The following CCM2 variants were observed in gnomAD, a reference collection of about 807,000 sequenced individuals.
The protein encoded by CCM2 is cerebral cavernous malformations 2 protein.
Under a neutral mutation model 44.9 loss-of-function variants are expected in CCM2, and 25 were observed. The observed-to-expected ratio is 0.56, with a 90% confidence interval of 0.41 to 0.78. The LOEUF is 0.78. Ranked by LOEUF, CCM2 falls within the 30% of genes least tolerant of loss-of-function variation. The pLI is 0.00. For missense variants in CCM2, 481 were observed against 580.6 expected (o/e 0.83, Z 1.76); for synonymous variants, 219 against 241.1 (o/e 0.91, Z 0.85).
chr7:45,045,903 AAC>A (rs372281379), intron 2 of CCM2, among the ~76,000 whole-genome samples: 145 of 152,372 alleles, frequency 9.5e-4, no homozygotes, highest in African/African-American at 3.0e-3. Flanking sequence ...TAAAAAATGA[AAC>A]ACGGGTATAA....
At chr7:45,031,026 G>A (rs909107284) in intron 1 of CCM2, among the ~76,000 whole-genome samples, 2 of 151,876 alleles carry the variant, frequency 1.3e-5, no homozygotes, top group Non-Finnish European at 2.9e-5. Context: ...ACCTGGCCTC[G>A]ATTTATTTTT....
rs542117003 is a variant in CCM2, at chr7:45,073,713, G to T, written c.915+142G>T. The T allele has an allele frequency of 3.3e-4, 210 of 628,414 alleles. 1 individual carries two copies. Among genetic ancestry groups the T allele is most frequent in the African/African-American group, 3.2e-3 (175 of 55,140 alleles). 38.9% of individuals were successfully genotyped at this position (628,414 alleles called of 1,614,324 possible). On this transcript the variant is annotated intron_variant, in intron 8 of 9. Transcript: ENST00000258781. The stretch of plus-strand genomic sequence containing the variant: ...ACCTAGAGCACTCTTGGTCAATTTT[G>T]CTGACATCACTGCCTTTTCCTGGGG...
chr7:45,013,622 C>T (rs1195899943), intron 1 of CCM2, among the ~76,000 whole-genome samples: 1 of 152,122 alleles, frequency 6.6e-6, no homozygotes, highest in Non-Finnish European at 1.5e-5. Flanking sequence ...ATTCATGACC[C>T]CACCCAGACT....
At chr7:45,034,726 G>A (rs1329144251) in intron 1 of CCM2, among the ~76,000 whole-genome samples, 1 of 151,654 alleles carries the variant, frequency 6.6e-6, no homozygotes, top group Admixed American at 6.6e-5. Context: ...CACCATCTTG[G>A]CCAGGCTGGT....
chr7:45,027,943 G>A, intron 1 of CCM2: 1 of 863,604 alleles, frequency 1.2e-6, no homozygotes, highest in Non-Finnish European at 1.9e-6. Flanking sequence ...TGGGAGGATG[G>A]GGTGGGTGGA....
At position 45,075,956 on chromosome 7, in the gene CCM2, C is replaced by T. The variant is rs544276945; in HGVS notation, c.1234C>T (p.Arg412Trp). ...GNRATGSSDD[R>W]SAPSEGDEWD... ...CAGGGCCACGGGCAGCTCTGATGAC[C>T]GGTCGGCACCCTCAGAGGGGGATGA... Residue 412 changes from arginine to tryptophan, a missense_variant, in exon 10 of 10, where the codon CGG becomes TGG. Transcript: ENST00000258781. 4.4e-5 allele frequency: 71 copies of T among 1,613,136 alleles called. No individual in the cohort carries two copies. Among genetic ancestry groups the T allele is most frequent in the Non-Finnish European group, 5.5e-5 (65 of 1,180,008 alleles).
intron 1 of CCM2, among the ~76,000 whole-genome samples, chr7:45,024,017 GT>G (rs1796591858): frequency 6.6e-6 from 1 of 151,942 alleles, no homozygotes; most frequent in Non-Finnish European, 1.5e-5. Context: ...CTCCATGCTG[GT>G]CAGGCTGGTC....
At chr7:45,027,927 CT>C in intron 1 of CCM2, 2 of 949,932 alleles carry the variant, frequency 2.1e-6, no homozygotes, top group Non-Finnish European at 3.3e-6. Context: ...TCCATGACCC[CT>C]GCTTTGGGAG....
intron 2 of CCM2, among the ~76,000 whole-genome samples, chr7:45,042,357 A>G (rs1161326059): frequency 6.6e-6 from 1 of 152,118 alleles, no homozygotes; most frequent in African/African-American, 2.4e-5. Context: ...GAGAGGAGAA[A>G]GAGGGAAGGG....
chr7:45,009,460 A>G (rs1242291490), intron 1 of CCM2, among the ~76,000 whole-genome samples: 1 of 139,398 alleles, frequency 7.2e-6, no homozygotes, highest in Admixed American at 7.7e-5. Context: ...GATGGAGTGC[A>G]ATGGCGTGAT....
chr7:45,064,075 C>CGT (rs1349425879), intron 3 of CCM2, 74 bp downstream of exon 3: 1 of 1,072,414 alleles, frequency 9.3e-7, no homozygotes, highest in Non-Finnish European at 1.4e-6. Context: ...CTCTTGGCCT[C>CGT]GTGGCTGTGA....
intron 1 of CCM2, among the ~76,000 whole-genome samples, chr7:45,008,039 A>ATTT (rs66538861): frequency 2.4e-5 from 3 of 127,562 alleles, no homozygotes; most frequent in Non-Finnish European, 4.8e-5. Flanking sequence ...GGTGGGGTAC[A>ATTT]TTTTTTTTTT....
At chr7:45,056,577 T>C (rs554877753) in intron 2 of CCM2, among the ~76,000 whole-genome samples, 2 of 152,244 alleles carry the variant, frequency 1.3e-5, no homozygotes, top group Non-Finnish European at 2.9e-5. Flanking sequence ...CTAATAACTA[T>C]TGATGTTGAA....
At chr7:45,013,952 G>A (rs1395240932) in intron 1 of CCM2, among the ~76,000 whole-genome samples, 2 of 151,958 alleles carry the variant, frequency 1.3e-5, no homozygotes, top group Non-Finnish European at 2.9e-5. Flanking sequence ...TGTTAACTGT[G>A]GTTACTTGGT....
At chr7:45,027,550 T>C in intron 1 of CCM2, 1 of 1,428,202 alleles carries the variant, frequency 7.0e-7, no homozygotes, top group Admixed American at 2.0e-5. Flanking sequence ...TTCTGGGTGC[T>C]GCCTGCTTTT....
chr7:45,027,432 T>C, intron 1 of CCM2: 1 of 544,348 alleles, frequency 1.8e-6, no homozygotes, highest in Non-Finnish European at 3.3e-6. Context: ...CTGCTGGAAA[T>C]GCAGGGAGGC....
In CCM2 at chr7:45,038,349, C is replaced by A. The variant is rs1220597500; in HGVS notation, c.127C>A (p.His43Asn). ...HEKVTERRPLHTVVLSLPERV... is the reference protein window; with the variant it reads ...HEKVTERRPLNTVVLSLPERV... Reference sequence around the variant, plus strand: ...GAAGGTGACAGAGAGGCGCCCTCTGCACACTGTGGTGTTGTCATTGCCTGA... The same window carrying A: ...GAAGGTGACAGAGAGGCGCCCTCTGAACACTGTGGTGTTGTCATTGCCTGA... The change falls in exon 2 of 10, where the codon CAC becomes AAC. Residue 43 changes from histidine (H) to asparagine (N), a missense_variant. Physicochemically the swap from His to Asn is moderately conservative, Grantham distance 68. Transcript: ENST00000258781. 6.2e-7 allele frequency: 1 copy of A among 1,614,044 alleles called. No homozygotes were observed. Among genetic ancestry groups the A allele is most frequent in the African/African-American group, 1.3e-5 (1 of 74,936 alleles).
chr7:45,019,709 A>G (rs1309328216), intron 1 of CCM2, among the ~76,000 whole-genome samples: 5 of 152,102 alleles, frequency 3.3e-5, no homozygotes, highest in Non-Finnish European at 5.9e-5. Context: ...TAGCCTCCCA[A>G]GTAGGTAGGA....
intron 1 of CCM2, among the ~76,000 whole-genome samples, chr7:45,026,613 T>TA (rs2128721217): frequency 6.7e-6 from 1 of 148,714 alleles, no homozygotes; most frequent in South Asian, 2.2e-4. Flanking sequence ...TTTTTTTTTT[T>TA]TTTTTTTGAG....
Sources: gnomAD v4.1 joint callset for allele counts (sites outside exome capture counted in the v4.1 genomes callset) on GRCh38, gnomAD v4.1.1 for gene constraint, MANE v1.5 for transcripts, NCBI Gene and HGNC (gene_info 2026-07-23, HGNC 2026-07-21) for gene names.